NRP2: variants seen among roughly 807,000 people sequenced by gnomAD.
NRP2 encodes neuropilin-2.
Under a neutral mutation model 110.4 loss-of-function variants are expected in NRP2, and 52 were observed. The observed-to-expected ratio is 0.47, with a 90% CI of 0.38 to 0.59. The LOEUF is 0.59. Ranked by LOEUF, NRP2 falls within the 20% of genes least tolerant of loss-of-function variation. The probability of loss-of-function intolerance (pLI) is 0.00; values close to 1 mark genes in which losing one functional copy is unlikely to be tolerated. For missense variants in NRP2, 1,049 were observed against 1,203.0 expected, an observed-to-expected ratio of 0.87 and a Z score of 1.89; for synonymous variants, 508 against 468.9, an observed-to-expected ratio of 1.08 and a Z score of -1.08.
rs548534959 is a variant in NRP2 at position 205,691,026 on chromosome 2, A to T, written c.74-6518A>T. Among the ~76,000 whole-genome samples the T allele has an allele frequency of 2.0e-5, 3 of 152,264 alleles. No individual in the cohort carries two copies. In the South Asian group the frequency reaches 6.2e-4, roughly 32 times the overall value. On this transcript the variant is annotated intron_variant, in intron 1 of 16. Coordinates refer to ENST00000357785, the MANE Select transcript of NRP2 (RefSeq NM_003872.3). ...GTGGCCGCAGAATAATTTCTGATAG[A>T]ACTCTCAGAGTCTGTCCTATCTAGT...
chr2:205,749,633 T>G, intron 10 of NRP2, 92 bp from the exon 11 acceptor site: 1 of 1,018,786 alleles, frequency 9.8e-7, no homozygotes, highest in South Asian at 1.3e-5. Flanking sequence ...GCATCTTCTT[T>G]CCCTTCTCTA....
intron 15 of NRP2, among the ~76,000 whole-genome samples, chr2:205,786,918 G>T (rs1575682719): frequency 6.6e-6 from 1 of 152,134 alleles, no homozygotes; most frequent in East Asian, 1.9e-4. Flanking sequence ...AATGGTTTCA[G>T]GGAGTGGCCA....
intron 12 of NRP2, among the ~76,000 whole-genome samples, chr2:205,762,859 T>G (rs1293560648): frequency 6.6e-6 from 1 of 152,208 alleles, no homozygotes; most frequent in East Asian, 1.9e-4. Flanking sequence ...AATTTGAAAC[T>G]AATCAGCCAA....
chr2:205,710,157 A>G (rs1245654878), intron 2 of NRP2, among the ~76,000 whole-genome samples: 1 of 152,172 alleles, frequency 6.6e-6, no homozygotes, highest in Non-Finnish European at 1.5e-5. Context: ...TACACCTGGT[A>G]CCTGCTAATG....
chr2:205,713,406 C>A (rs1451604868), intron 2 of NRP2, among the ~76,000 whole-genome samples: 2 of 152,208 alleles, frequency 1.3e-5, no homozygotes, highest in Non-Finnish European at 2.9e-5. Context: ...AGTTCTGTGA[C>A]ATGGATGATG....
rs1220428562 is a variant in NRP2, at chr2:205,749,709, C to T, written c.1787-16C>T. ...GCTGCTACAGCATTCTCTTATCTTC[C>T]TTTGCCCTTACACAGACTCCAAGCC... On this transcript the variant is annotated splice_polypyrimidine_tract_variant and intron_variant, in intron 10 of 16. Coordinates refer to ENST00000357785, the MANE Select transcript of NRP2 (RefSeq NM_003872.3). The T allele has an allele frequency of 4.4e-6, 7 of 1,606,190 alleles. No individual in the cohort carries two copies. Among genetic ancestry groups the T allele is most frequent in the Non-Finnish European group, 6.0e-6 (7 of 1,172,860 alleles).
intron 15 of NRP2, among the ~76,000 whole-genome samples, chr2:205,771,497 G>C (rs1469535884): frequency 6.6e-6 from 1 of 152,212 alleles, no homozygotes; most frequent in Non-Finnish European, 1.5e-5. Flanking sequence ...GACATGCAAT[G>C]AGCCTTTTTT....
At chr2:205,722,172 TACACACACA>T (rs2057031524) in intron 3 of NRP2, 48 of 280,252 alleles carry the variant, frequency 1.7e-4, no homozygotes, top group Non-Finnish European at 2.4e-4. Context: ...CTCTCTCTCA[TACACACACA>T]CACACACACA....
intron 1 of NRP2, 87 bp from the exon 2 acceptor site, chr2:205,697,457 C>A: frequency 8.3e-7 from 1 of 1,203,994 alleles, no homozygotes; most frequent in Non-Finnish European, 1.2e-6. Context: ...TTTAATCAGA[C>A]ACTGGTACAG....
intron 16 of NRP2, among the ~76,000 whole-genome samples, chr2:205,792,642 G>C (rs911212095): frequency 1.3e-5 from 2 of 152,192 alleles, no homozygotes; most frequent in African/African-American, 2.4e-5. Flanking sequence ...TGGCCTGAGT[G>C]AATGAGCATA....
rs141567470 is a variant in NRP2, at chr2:205,794,933, A to T, written c.2656A>T (p.Thr886Ser). ...CTGTGCAGGCCTCCTGCTCTACTGC[A>T]CCTGTTCCTACTCGGGCCTGAGCTC... ...ATCAGLLLYC[T>S]CSYSGLSSRS... The change falls in exon 17 of 17, where the codon ACC (threonine) becomes TCC (serine). Residue 886 changes from threonine (T) to serine (S), a missense_variant. Thr to Ser is a moderately conservative substitution (Grantham distance 58). Transcript: ENST00000357785. 130 of 1,613,914 alleles carry T rather than the reference A, an allele frequency of 8.1e-5. No homozygotes were observed. In the African/African-American group the frequency reaches 1.5e-3, roughly 18 times the overall value.
chr2:205,788,177 G>T (rs535624631), intron 15 of NRP2, among the ~76,000 whole-genome samples: 4 of 152,128 alleles, frequency 2.6e-5, no homozygotes, highest in African/African-American at 7.2e-5. Flanking sequence ...TCTGTCTCTC[G>T]ATGATGCAGA....
intron 2 of NRP2, among the ~76,000 whole-genome samples, chr2:205,705,351 T>C (rs2056652730): frequency 6.6e-6 from 1 of 152,086 alleles, no homozygotes; most frequent in Admixed American, 6.6e-5. Flanking sequence ...AGAAGGAGAA[T>C]CCCTGAAAAA....
At chr2:205,687,429 C>T (rs1292233621) in intron 1 of NRP2, among the ~76,000 whole-genome samples, 1 of 47,824 alleles carries the variant, frequency 2.1e-5, no homozygotes, top group Non-Finnish European at 5.4e-5. Context: ...AAATGGGTAC[C>T]CAGTAAACAT....
intron 2 of NRP2, among the ~76,000 whole-genome samples, chr2:205,704,196 T>C (rs2056622745): frequency 6.6e-6 from 1 of 152,198 alleles, no homozygotes; most frequent in African/African-American, 2.4e-5. Flanking sequence ...CACAAGACTT[T>C]CTGAATCCAA....
chr2:205,720,262 C>CTTTTTT (rs202203741), intron 3 of NRP2, among the ~76,000 whole-genome samples: 3 of 129,166 alleles, frequency 2.3e-5, no homozygotes, highest in South Asian at 2.8e-4. Flanking sequence ...TTTTTTCTTT[C>CTTTTTT]TTTTTTTTTT....
intron 2 of NRP2, among the ~76,000 whole-genome samples, chr2:205,702,504 T>C (rs2056581448): frequency 1.3e-5 from 2 of 152,228 alleles, no homozygotes; most frequent in African/African-American, 4.8e-5. Flanking sequence ...CACACCGTTA[T>C]ATTCTGCATA....
chr2:205,773,151 G>A (rs914131738), intron 15 of NRP2, among the ~76,000 whole-genome samples: 7 of 152,160 alleles, frequency 4.6e-5, no homozygotes, highest in African/African-American at 1.7e-4. Flanking sequence ...AGCCTCATTA[G>A]CATACAGCTC....
At chr2:205,762,875 C>G (rs2057847071) in intron 12 of NRP2, among the ~76,000 whole-genome samples, 1 of 152,178 alleles carries the variant, frequency 6.6e-6, no homozygotes, top group African/African-American at 2.4e-5. Context: ...GCCAAAAAGG[C>G]CATTCTCCAA....
Sources: gnomAD v4.1 joint callset for allele counts (sites outside exome capture counted in the v4.1 genomes callset) on GRCh38, gnomAD v4.1.1 for gene constraint, MANE v1.5 for transcripts, NCBI Gene and HGNC (gene_info 2026-07-23, HGNC 2026-07-21) for gene names.